NOX4: variants seen among roughly 807,000 people sequenced by gnomAD.
The protein encoded by NOX4 is kidney oxidase-1.
Under a neutral mutation model 87.6 loss-of-function variants are expected in NOX4, and 69 were observed. The observed-to-expected ratio is 0.79, with a 90% CI of 0.65 to 0.96. The LOEUF is 0.96. Among genes scored for constraint, NOX4 ranks in the 40% least tolerant of loss-of-function variants. The pLI, the probability that NOX4 is intolerant of heterozygous loss-of-function variation, is 0.00. For missense variants in NOX4, 680 were observed against 681.5 expected (o/e 1.00, Z 0.02); for synonymous variants, 275 against 238.2 (o/e 1.15, Z -1.42).
chr11:89,564,136 C>T, the NOX4 span, among the ~76,000 whole-genome samples: 1 of 152,096 alleles, frequency 6.6e-6, no homozygotes, highest in Non-Finnish European at 1.5e-5. Flanking sequence ...GAATGCACCG[C>T]ATGTTTCCTT....
intron 5 of NOX4, chr11:89,443,905 T>C: frequency 4.3e-6 from 2 of 465,056 alleles, no homozygotes; most frequent in Non-Finnish European, 7.8e-6. Flanking sequence ...ATCTGAACAT[T>C]GCAATATAAA....
At chr11:89,486,464 ATGTGTGTGTGTG>A (rs4002196) in intron 2 of NOX4, among the ~76,000 whole-genome samples, 2 of 141,418 alleles carry the variant, frequency 1.4e-5, no homozygotes, top group Non-Finnish European at 3.1e-5. Context: ...CAGCTAATAT[ATGTGTGTGTGTG>A]TGTGTGTGTG....
At chr11:89,499,008 G>T, upstream of NOX4, 1 of 154,846 alleles carries the variant, frequency 6.5e-6, no homozygotes. Flanking sequence ...GGCTTGCGGT[G>T]AGGTTTCTTC....
chr11:89,463,452 A>T (rs1317665382), intron 2 of NOX4, among the ~76,000 whole-genome samples: 1 of 152,050 alleles, frequency 6.6e-6, no homozygotes, highest in African/African-American at 2.4e-5. Flanking sequence ...TCATATCTGT[A>T]TATTTTTCCT....
At chr11:89,501,165 A>G (rs1182158764), upstream of NOX4, among the ~76,000 whole-genome samples, 2 of 152,100 alleles carry the variant, frequency 1.3e-5, no homozygotes, top group Non-Finnish European at 2.9e-5. Context: ...CATGAAATAA[A>G]GTTAGGCAAG....
intron 13 of NOX4, among the ~76,000 whole-genome samples, chr11:89,342,990 G>A (rs146006984): frequency 3.9e-5 from 6 of 152,206 alleles, no homozygotes; most frequent in African/African-American, 1.4e-4. Context: ...CAGACTCCCT[G>A]CATCTGTTTT....
intron 11 of NOX4, among the ~76,000 whole-genome samples, chr11:89,375,001 G>A (rs570939054): frequency 1.2e-4 from 18 of 152,090 alleles, no homozygotes; most frequent in Admixed American, 1.1e-3. Flanking sequence ...AAAAAGGAAC[G>A]GTAGCCTGAA....
the NOX4 span, among the ~76,000 whole-genome samples, chr11:89,537,941 A>G: frequency 6.6e-6 from 1 of 152,294 alleles, no homozygotes. Context: ...ACCTACTTTG[A>G]TAACCTCTCT....
chr11:89,491,069 A>T (rs1264765290), intron 1 of NOX4, 121 bp downstream of exon 1: 2 of 1,008,850 alleles, frequency 2.0e-6, no homozygotes, highest in Non-Finnish European at 3.0e-6. Context: ...TTGTAAGTTG[A>T]GAATGTTCGA....
chr11:89,519,459 A>T, the NOX4 span, among the ~76,000 whole-genome samples: 15 of 152,176 alleles, frequency 9.9e-5, no homozygotes, highest in Middle Eastern at 3.4e-3. Context: ...GTTTAAAAAC[A>T]TATAAGAAGT....
chr11:89,394,090 C>T (rs1189039743), intron 11 of NOX4, among the ~76,000 whole-genome samples: 2 of 152,118 alleles, frequency 1.3e-5, no homozygotes, highest in Non-Finnish European at 2.9e-5. Flanking sequence ...TAAAGCCCTT[C>T]CAGCTCTACA....
At chr11:89,526,380 A>G in the NOX4 span, among the ~76,000 whole-genome samples, 4 of 152,186 alleles carry the variant, frequency 2.6e-5, no homozygotes, top group African/African-American at 9.7e-5. Flanking sequence ...GCTACTTCCT[A>G]ATACTGAACA....
chr11:89,424,625 T>A (rs1341063538), intron 7 of NOX4, among the ~76,000 whole-genome samples: 1 of 152,044 alleles, frequency 6.6e-6, no homozygotes, highest in Non-Finnish European at 1.5e-5. Flanking sequence ...TTTAGCTTAT[T>A]TACTCTGATT....
At chr11:89,571,959 C>CT in the NOX4 span, among the ~76,000 whole-genome samples, 2 of 152,202 alleles carry the variant, frequency 1.3e-5, no homozygotes, top group African/African-American at 4.8e-5. Flanking sequence ...TGTAGATTCA[C>CT]TGAGCCAGAC....
At chr11:89,449,753 G>T (rs1021438397) in intron 3 of NOX4, among the ~76,000 whole-genome samples, 26 of 151,854 alleles carry the variant, frequency 1.7e-4, no homozygotes, top group African/African-American at 5.8e-4. Flanking sequence ...AAGACACATT[G>T]TTAGGTTAAA....
At chr11:89,390,486 CAG>C (rs1565228142) in intron 11 of NOX4, among the ~76,000 whole-genome samples, 1 of 152,046 alleles carries the variant, frequency 6.6e-6, no homozygotes, top group African/African-American at 2.4e-5. Flanking sequence ...TTTAAGAAAA[CAG>C]TTAGTATTTA....
intron 13 of NOX4, 113 bp from the exon 14 acceptor site, chr11:89,342,306 C>G: frequency 1.1e-6 from 1 of 893,786 alleles, no homozygotes; most frequent in Non-Finnish European, 1.7e-6. Context: ...ATGGGTCAGG[C>G]CTTATTTCAT....
At chr11:89,427,316 C>T (rs542420274) in intron 7 of NOX4, among the ~76,000 whole-genome samples, 1 of 152,094 alleles carries the variant, frequency 6.6e-6, no homozygotes, top group Non-Finnish European at 1.5e-5. Context: ...ATCAGAGCGC[C>T]TCTCCCCCTC....
rs74851377 is a variant in NOX4, at chr11:89,476,197, T to C, written c.153+14261A>G. Among the ~76,000 whole-genome samples, 137 of 152,232 alleles carry C rather than the reference T, an allele frequency of 9.0e-4. 2 individuals carry two copies. The East Asian group carries it at 0.023, about 26-fold the overall frequency. ...TTTTAAGAAAATCCATTCCACTATT[T>C]GCACCTATCCTTTTAATGTTCTCTT... On this transcript the variant is annotated intron_variant, in intron 2 of 17. Coordinates refer to ENST00000263317, the MANE Select transcript of NOX4 (RefSeq NM_016931.5).
Sources: gnomAD v4.1 joint callset for allele counts (sites outside exome capture counted in the v4.1 genomes callset) on GRCh38, gnomAD v4.1.1 for gene constraint, MANE v1.5 for transcripts, NCBI Gene and HGNC (gene_info 2026-07-23, HGNC 2026-07-21) for gene names.